LIN28B: variants seen among roughly 807,000 people sequenced by gnomAD.
LIN28B encodes lin-28 RNA binding posttranscriptional regulator B, also known as protein lin-28 homolog B.
In LIN28B, 5 loss-of-function variants were observed where a neutral mutation model predicts 21.9. That is an observed-to-expected ratio of 0.23 (90% CI 0.12 to 0.48). The LOEUF (loss-of-function observed/expected upper bound fraction) is 0.48, where lower values mean the gene tolerates loss of function less well. LIN28B is among the 20% of genes least tolerant of loss of function. The pLI, the probability that LIN28B is intolerant of heterozygous loss-of-function variation, is 0.98. For missense variants in LIN28B, 245 were observed against 310.5 expected (o/e 0.79, Z 1.58); for synonymous variants, 109 against 111.3 (o/e 0.98, Z 0.13).
At position 105,078,970 on chromosome 6, in the gene LIN28B, T is replaced by C. The variant is rs1192798178; in HGVS notation, c.*187T>C. The C allele has an allele frequency of 6.5e-6, 4 of 618,392 alleles. No individual in the cohort carries two copies. In the East Asian group the frequency reaches 8.6e-5, roughly 13 times the overall value. 38.3% of individuals were successfully genotyped at this position (618,392 alleles called of 1,614,324 possible). On this transcript the variant is annotated 3_prime_UTR_variant, in exon 4 of 4. Coordinates refer to ENST00000345080, the MANE Select transcript of LIN28B (RefSeq NM_001004317.4). ...TTTGAGCAGGGTGTCATGTTTTATG[T>C]TAATTCAGAGAATAAGATACTATGT... is the stretch of plus-strand genomic sequence containing the variant.
intron 2 of LIN28B, among the ~76,000 whole-genome samples, chr6:104,986,827 T>G (rs1274245736): frequency 1.3e-5 from 2 of 152,246 alleles, no homozygotes; most frequent in East Asian, 3.8e-4. Context: ...AATAATTTGC[T>G]GCAACTCTAG....
chr6:104,994,251 G>A (rs747861535), intron 2 of LIN28B, among the ~76,000 whole-genome samples: 5 of 152,116 alleles, frequency 3.3e-5, no homozygotes, highest in Non-Finnish European at 5.9e-5. Context: ...TGATCCGCCC[G>A]CCTCGGCCTC....
chr6:104,997,199 T>C (rs1770623725), intron 2 of LIN28B, among the ~76,000 whole-genome samples: 1 of 149,606 alleles, frequency 6.7e-6, no homozygotes, highest in Non-Finnish European at 1.5e-5. Context: ...GAGAATGGCG[T>C]GGACCCGGGA....
chr6:105,028,327 G>A (rs1771328683), intron 3 of LIN28B, among the ~76,000 whole-genome samples: 1 of 152,190 alleles, frequency 6.6e-6, no homozygotes, highest in Non-Finnish European at 1.5e-5. Flanking sequence ...AGGTTGAAAA[G>A]TAACATGATC....
At chr6:104,939,602 C>G (rs1778055659) in intron 2 of LIN28B, 1 of 152,256 alleles carries the variant, frequency 6.6e-6, no homozygotes, top group African/African-American at 2.4e-5. Flanking sequence ...TATCATCACA[C>G]AGCAACGGTT....
chr6:105,019,154 G>C (rs1771086046), intron 2 of LIN28B, among the ~76,000 whole-genome samples: 1 of 152,154 alleles, frequency 6.6e-6, no homozygotes, highest in African/African-American at 2.4e-5. Flanking sequence ...CACTATGTTG[G>C]CCAGGCTGGT....
intron 1 of LIN28B, among the ~76,000 whole-genome samples, chr6:104,957,569 C>G (rs1778308726): frequency 6.6e-6 from 1 of 152,070 alleles, no homozygotes; most frequent in Non-Finnish European, 1.5e-5. Context: ...ATACACCTGC[C>G]CCCTCCCCCA....
chr6:105,011,917 T>C (rs892756080), intron 2 of LIN28B, among the ~76,000 whole-genome samples: 1 of 151,914 alleles, frequency 6.6e-6, no homozygotes, highest in East Asian at 1.9e-4. Context: ...CCCAGCACTT[T>C]AGGAGGCCGA....
intron 1 of LIN28B, 131 bp from the exon 2 acceptor site, chr6:104,957,968 A>C: frequency 1.9e-6 from 1 of 525,428 alleles, no homozygotes; most frequent in Non-Finnish European, 3.3e-6. Context: ...AAGAAATCAA[A>C]CCATTAAAAA....
intron 2 of LIN28B, among the ~76,000 whole-genome samples, chr6:104,967,908 A>G (rs2114585192): frequency 6.6e-6 from 1 of 152,232 alleles, no homozygotes; most frequent in South Asian, 2.1e-4. Context: ...CTTGTTGACC[A>G]GGCTGGTTTA....
At position 105,023,297 on chromosome 6, in the gene LIN28B, ATT is replaced by A. The variant is rs549125048; in HGVS notation, c.199-2999_199-2998del. Among the ~76,000 whole-genome samples the A allele has an allele frequency of 2.6e-3, 107 of 40,378 alleles. 5 individuals are homozygous for A. The highest frequency in any genetic ancestry group is 0.012 in the African/African-American group (101 of 8,136). The allele number at this position is 40,378 out of a possible 152,430, so 26.5% of individuals were successfully genotyped here. A position where few individuals can be genotyped will look rare whatever the true frequency, so the allele number is the denominator to read the frequency against. On this transcript the variant is annotated intron_variant, in intron 2 of 3. Transcript: ENST00000345080. ...TATTATATATATAAATAATATATAT[ATT>A]TATATATAATTATATTATATATAAT...
In LIN28B at chr6:105,070,318, A is replaced by G. The variant is rs953554036; in HGVS notation, c.384-8096A>G. On this transcript the variant is annotated intron_variant, in intron 3 of 3. Coordinates refer to ENST00000345080, the MANE Select transcript of LIN28B (RefSeq NM_001004317.4). The stretch of plus-strand genomic sequence containing the variant: ...ACAGGCTCACTGTCAGATGACTAAC[A>G]ATAATAATGAAGGTCAATTACACAA... Among the ~76,000 whole-genome samples, 7 of 152,310 alleles carry G rather than the reference A, an allele frequency of 4.6e-5. No individual in the cohort carries two copies. In the East Asian group the frequency reaches 1.3e-3, roughly 29 times the overall value.
intron 2 of LIN28B, among the ~76,000 whole-genome samples, chr6:105,009,560 TA>T (rs1770881520): frequency 6.6e-6 from 1 of 152,188 alleles, no homozygotes; most frequent in Non-Finnish European, 1.5e-5. Flanking sequence ...TTCTCAGCTC[TA>T]AAAGAAAAGT....
chr6:105,065,218 G>A (rs897358035), intron 3 of LIN28B, among the ~76,000 whole-genome samples: 14 of 152,152 alleles, frequency 9.2e-5, no homozygotes, highest in African/African-American at 3.4e-4. Flanking sequence ...TGACCATCAG[G>A]CTTTAGTCAT....
chr6:105,004,302 C>A (rs542411211), intron 2 of LIN28B, among the ~76,000 whole-genome samples: 2 of 152,284 alleles, frequency 1.3e-5, no homozygotes, highest in Admixed American at 6.5e-5. Context: ...ATCCTTGAAT[C>A]CAATCAAGTT....
At chr6:104,948,027 A>C (rs1212320859) in intron 2 of LIN28B, among the ~76,000 whole-genome samples, 2 of 152,164 alleles carry the variant, frequency 1.3e-5, no homozygotes, top group Admixed American at 1.3e-4. Context: ...ACAGTATGAA[A>C]AAGAGCTCTA....
chr6:104,957,999 C>T, intron 1 of LIN28B, 100 bp from the exon 2 acceptor site: 6 of 795,980 alleles, frequency 7.5e-6, no homozygotes, highest in South Asian at 4.3e-5. Context: ...TTTCTGTTAC[C>T]CTTCCCCCCC....
chr6:105,016,007 A>G (rs1360474602), intron 2 of LIN28B, among the ~76,000 whole-genome samples: 4 of 152,188 alleles, frequency 2.6e-5, no homozygotes, highest in African/African-American at 9.7e-5. Flanking sequence ...AGATATTTTT[A>G]TAAGTAAGAT....
intron 3 of LIN28B, among the ~76,000 whole-genome samples, chr6:105,071,033 T>C (rs1772323566): frequency 6.6e-6 from 1 of 152,110 alleles, no homozygotes; most frequent in Non-Finnish European, 1.5e-5. Flanking sequence ...CGCACTACCA[T>C]GCCTGGCTAA....
Sources: allele counts gnomAD v4.1 joint callset (sites outside exome capture counted in the v4.1 genomes callset), GRCh38; gene constraint gnomAD v4.1.1; transcripts MANE v1.5; gene names NCBI Gene and HGNC (gene_info 2026-07-23, HGNC 2026-07-21).